Variants in VPS35L observed in about 807,000 individuals in gnomAD.
The protein encoded by VPS35L is VPS35 endosomal protein sorting factor like, also known as VPS35 endosomal protein-sorting factor-like.
A neutral mutation model predicts 133.0 loss-of-function variants in VPS35L; 83 were observed. The ratio of observed to expected loss-of-function variants is 0.62; its 90% CI spans 0.52 to 0.75. VPS35L has a LOEUF of 0.75. VPS35L is among the 30% of genes least tolerant of loss of function. The pLI is 0.00. For synonymous variants in VPS35L, 423 were observed against 449.9 expected (o/e 0.94, Z 0.76); for missense variants, 1,083 against 1,206.8 (o/e 0.90, Z 1.52).
At chr16:19,697,201 C>T (rs1238049616) in intron 29 of VPS35L, among the ~76,000 whole-genome samples, 2 of 152,224 alleles carry the variant, frequency 1.3e-5, no homozygotes, top group East Asian at 1.9e-4. Flanking sequence ...TCTTTGCCGT[C>T]GGCTCTGCTG....
chr16:19,693,677 G>T (rs576341436), intron 29 of VPS35L, among the ~76,000 whole-genome samples: 2 of 152,220 alleles, frequency 1.3e-5, no homozygotes, highest in East Asian at 3.9e-4. Flanking sequence ...CCAGCTACTT[G>T]GGAGGCTGAG....
In VPS35L at chr16:19,638,466, C is replaced by G. The variant is rs560880669; in HGVS notation, c.1698+810C>G. 1.3e-4 allele frequency among the ~76,000 whole-genome samples: 20 copies of G among 152,308 alleles called. No individual in the cohort carries two copies. In the South Asian group the frequency reaches 4.1e-3, roughly 32 times the overall value. On this transcript the variant is annotated intron_variant, in intron 20 of 30. Coordinates refer to ENST00000417362, the MANE Select transcript of VPS35L (RefSeq NM_020314.7). ...CAGATAGAACTGACTGCTGTGTATA[C>G]TATGTTTTATCCTATACATACATAC... is the stretch of plus-strand genomic sequence containing the variant.
At chr16:19,673,195 G>A (rs565234216) in intron 27 of VPS35L, among the ~76,000 whole-genome samples, 1 of 152,360 alleles carries the variant, frequency 6.6e-6, no homozygotes, top group Non-Finnish European at 1.5e-5. Context: ...ATTGATGTCT[G>A]GAGGGCAGAT....
rs1341727115 is a variant in VPS35L, at chr16:19,633,051, T to C, written c.1555-41T>C. 1.3e-6 allele frequency: 2 copies of C among 1,531,560 alleles called. No individual in the cohort carries two copies. The highest frequency in any genetic ancestry group is 1.8e-6 in the Non-Finnish European group (2 of 1,104,884). The allele number at this position is 1,531,560 out of a possible 1,614,324, so 94.9% of individuals were successfully genotyped here. ...CCAGGAACATGGTCAGCAGTTGCCA[T>C]ACAGTGTCTAATTCAGGTTTGGTTC... On this transcript the variant is annotated intron_variant, in intron 18 of 30. Transcript: ENST00000417362. This position sits in a 1 kb window ranked among gnomAD's most constrained non-coding sequence, Gnocchi z 4.1.
intron 25 of VPS35L, among the ~76,000 whole-genome samples, chr16:19,651,480 C>T (rs1974120489): frequency 6.6e-6 from 1 of 152,114 alleles, no homozygotes; most frequent in East Asian, 1.9e-4. Flanking sequence ...GTTGGGATAA[C>T]AGGTGTGAGC....
intron 26 of VPS35L, among the ~76,000 whole-genome samples, chr16:19,666,920 CTTTCTTTCTTT>C (rs1974696660): frequency 9.0e-6 from 1 of 111,560 alleles, no homozygotes. Context: ...TTCTTTCTTT[CTTTCTTTCTTT>C]CTTCCTTTCT....
chr16:19,651,328 G>A lies in VPS35L; in HGVS notation c.2107-648G>A, dbSNP rs556176557. Among the ~76,000 whole-genome samples, 147 of 152,030 alleles carry A rather than the reference G, an allele frequency of 9.7e-4. 1 individual carries two copies. The highest frequency in any genetic ancestry group is 3.4e-3 in the African/African-American group (142 of 41,474). ...GCTCTGTCACCCAGGCAGGAGTGCC[G>A]TGGCACCATCATAGCTCACTGTAAC... On this transcript the variant is annotated intron_variant, in intron 25 of 30. Transcript: ENST00000417362.
In VPS35L at chr16:19,628,178, A is replaced by C. The variant is rs181893708; in HGVS notation, c.1383+373A>C. On this transcript the variant is annotated intron_variant, in intron 16 of 30. Coordinates refer to ENST00000417362, the MANE Select transcript of VPS35L (RefSeq NM_020314.7). ...CCAGGAGTTCGAGACCAGCCTGGGC[A>C]ACACAGCAAGACCCCATCTCTACAA... 6.1e-3 allele frequency among the ~76,000 whole-genome samples: 925 copies of C among 152,278 alleles called. 11 individuals are homozygous for C. The highest frequency in any genetic ancestry group is 0.011 in the South Asian group (51 of 4,826).
intron 1 of VPS35L, among the ~76,000 whole-genome samples, chr16:19,557,538 A>G (rs1022928904): frequency 6.6e-6 from 1 of 151,854 alleles, no homozygotes. Context: ...CGATGCCACC[A>G]CACCAGGCTA....
At chr16:19,567,055 T>C (rs868371135) in intron 2 of VPS35L, among the ~76,000 whole-genome samples, 2 of 152,146 alleles carry the variant, frequency 1.3e-5, no homozygotes, top group African/African-American at 4.8e-5. Flanking sequence ...CCCGGCCCAG[T>C]TGGCCCCCTT....
At chr16:19,622,917 C>T (rs1264571075) in intron 14 of VPS35L, among the ~76,000 whole-genome samples, 2 of 152,126 alleles carry the variant, frequency 1.3e-5, no homozygotes, top group African/African-American at 2.4e-5. Flanking sequence ...TGTCCTCCTC[C>T]ACAACAAGTG....
intron 15 of VPS35L, among the ~76,000 whole-genome samples, 187 bp from the exon 16 acceptor site, chr16:19,627,507 G>C (rs1287456828): frequency 6.6e-6 from 1 of 152,120 alleles, no homozygotes; most frequent in African/African-American, 2.4e-5. Context: ...AACATTTATT[G>C]AGTTGCAGAT....
intron 26 of VPS35L, among the ~76,000 whole-genome samples, chr16:19,664,907 A>AG (rs1169014328): frequency 6.6e-6 from 1 of 151,994 alleles, no homozygotes; most frequent in African/African-American, 2.4e-5. Flanking sequence ...CTAAAAAAAA[A>AG]AAAAAACAAA....
rs927202189 is a variant in VPS35L at position 19,700,734 on chromosome 16, A to G, written c.*258A>G. ...TGCACAAGTGGCCTTCGGTCTACTCAGCCCGATCTGATGGGCCTTTTTAGC... is the reference window on the plus strand; with the variant it reads ...TGCACAAGTGGCCTTCGGTCTACTCGGCCCGATCTGATGGGCCTTTTTAGC... On this transcript the variant is annotated 3_prime_UTR_variant, in exon 31 of 31. Transcript: ENST00000417362. 2.4e-6 allele frequency: 1 copy of G among 424,192 alleles called. No homozygotes were observed. The allele number at this position is 424,192 out of a possible 1,614,324, so 26.3% of individuals were successfully genotyped here.
chr16:19,581,669 C>T lies in VPS35L; in HGVS notation c.639+16C>T, dbSNP rs1416485484. On this transcript the variant is annotated intron_variant, in intron 7 of 30. Coordinates refer to ENST00000417362, the MANE Select transcript of VPS35L (RefSeq NM_020314.7). ...AGTCATCCAGGTTAGCTCTAGTGAT[C>T]CCCCACCCCCACCCAGAATTTCCTA... 2 of 1,538,160 alleles carry T rather than the reference C, an allele frequency of 1.3e-6. No individual in the cohort carries two copies. The highest frequency in any genetic ancestry group is 8.7e-7 in the Non-Finnish European group (1 of 1,151,836).
intron 14 of VPS35L, among the ~76,000 whole-genome samples, chr16:19,623,537 G>A (rs1161109056): frequency 2.0e-5 from 3 of 152,000 alleles, no homozygotes; most frequent in African/African-American, 7.2e-5. Flanking sequence ...AGCCAACCTA[G>A]TTTATGTGAG....
chr16:19,677,895 C>A (rs935759020), intron 27 of VPS35L, among the ~76,000 whole-genome samples: 5 of 152,174 alleles, frequency 3.3e-5, no homozygotes, highest in African/African-American at 1.2e-4. Flanking sequence ...AACCTCATAA[C>A]CATGGACCAG....
chr16:19,586,454 C>G (rs1322201450), intron 7 of VPS35L, among the ~76,000 whole-genome samples: 1 of 152,162 alleles, frequency 6.6e-6, no homozygotes, highest in Non-Finnish European at 1.5e-5. Flanking sequence ...ATTCTCGTAC[C>G]TCAGCCTCCT....
Position 19,696,704 on chromosome 16 carries a change from A to G in VPS35L, c.2647-2798A>G, listed in dbSNP as rs115532562. 2.7e-3 allele frequency among the ~76,000 whole-genome samples: 411 copies of G among 152,252 alleles called. 1 individual carries two copies. The highest frequency in any genetic ancestry group is 9.3e-3 in the African/African-American group (386 of 41,540). On this transcript the variant is annotated intron_variant, in intron 29 of 30. Coordinates refer to ENST00000417362, the MANE Select transcript of VPS35L (RefSeq NM_020314.7). ...GTCTCATCCCTCAGACACGTCTCCAATGATTTCACTTTTAATGGGCTTTGG... is the reference window on the plus strand; with the variant it reads ...GTCTCATCCCTCAGACACGTCTCCAGTGATTTCACTTTTAATGGGCTTTGG...
Sources: allele counts gnomAD v4.1 joint callset (sites outside exome capture counted in the v4.1 genomes callset), GRCh38; gene constraint gnomAD v4.1.1; non-coding constraint Gnocchi (gnomAD v3.1); transcripts MANE v1.5; gene names NCBI Gene and HGNC (gene_info 2026-07-23, HGNC 2026-07-21).